DAB1: variants seen among roughly 807,000 people sequenced by gnomAD.
The protein encoded by DAB1 is disabled homolog 1.
In DAB1, 15 loss-of-function variants were observed where a neutral mutation model predicts 64.6. That is an observed-to-expected ratio of 0.23 (90% CI 0.16 to 0.36). The LOEUF (loss-of-function observed/expected upper bound fraction) is 0.36, where lower values mean the gene tolerates loss of function less well. DAB1 is among the 10% of genes least tolerant of loss of function. DAB1 has a pLI of 1.00. For synonymous variants in DAB1, 235 were observed against 251.9 expected (o/e 0.93, Z 0.64); for missense variants, 596 against 706.7 (o/e 0.84, Z 1.78).
intron 6 of DAB1, among the ~76,000 whole-genome samples, chr1:57,669,175 C>T (rs1256959931): frequency 6.6e-6 from 1 of 152,046 alleles, no homozygotes. Flanking sequence ...TTAGCCAATT[C>T]AATCTTGTCT....
At position 57,211,163 on chromosome 1, in the gene DAB1, A is replaced by G. The variant is rs72674806; in HGVS notation, c.68-65734T>C. On this transcript the variant is annotated intron_variant, in intron 2 of 14. Transcript: ENST00000371236. ...TGAAATTGACTGACAGCGAAGCAAA[A>G]TGATGCTTTTAACTTGAGTTGGAAG... 5.5e-3 allele frequency among the ~76,000 whole-genome samples: 841 copies of G among 152,340 alleles called. 6 individuals carry two copies. The highest frequency in any genetic ancestry group is 8.8e-3 in the Non-Finnish European group (597 of 68,028).
chr1:58,391,578 A>G (rs1264775843), intron 3 of DAB1, among the ~76,000 whole-genome samples: 1 of 152,104 alleles, frequency 6.6e-6, no homozygotes, highest in Non-Finnish European at 1.5e-5. Flanking sequence ...TCAACAGAGG[A>G]TACTCTCAAC....
chr1:57,889,071 T>C (rs1644268688), upstream of DAB1, among the ~76,000 whole-genome samples: 1 of 152,210 alleles, frequency 6.6e-6, no homozygotes, highest in Non-Finnish European at 1.5e-5. Context: ...TTTTACTGTA[T>C]TATCCTGGGT....
intron 5 of DAB1, among the ~76,000 whole-genome samples, chr1:57,901,732 T>C (rs913586927): frequency 2.6e-5 from 4 of 152,106 alleles, no homozygotes; most frequent in African/African-American, 9.7e-5. Context: ...CATGGCTTGT[T>C]AGTTCAGGCA....
intron 2 of DAB1, among the ~76,000 whole-genome samples, chr1:57,273,761 C>T (rs1313667179): frequency 6.6e-6 from 1 of 151,862 alleles, no homozygotes; most frequent in Non-Finnish European, 1.5e-5. Flanking sequence ...CCTCCCCTGT[C>T]CTCACCTCCT....
At chr1:57,389,834 C>T (rs752513848) in intron 1 of DAB1, among the ~76,000 whole-genome samples, 26 of 152,272 alleles carry the variant, frequency 1.7e-4, no homozygotes, top group Non-Finnish European at 2.8e-4. Context: ...CCCATAGAAA[C>T]AAGCTTGATA....
At chr1:58,314,791 A>G (rs982981231) in intron 4 of DAB1, among the ~76,000 whole-genome samples, 1 of 152,166 alleles carries the variant, frequency 6.6e-6, no homozygotes, top group Non-Finnish European at 1.5e-5. Flanking sequence ...CATTTTCTCC[A>G]ATGTTTAAGA....
At chr1:57,625,163 C>T (rs1366403384) in intron 7 of DAB1, among the ~76,000 whole-genome samples, 1 of 152,112 alleles carries the variant, frequency 6.6e-6, no homozygotes, top group Admixed American at 6.5e-5. Flanking sequence ...TACTTCCCTC[C>T]TTTGCTCTTT....
At chr1:57,676,618 G>A (rs1373152584) in intron 6 of DAB1, among the ~76,000 whole-genome samples, 1 of 152,042 alleles carries the variant, frequency 6.6e-6, no homozygotes, top group African/African-American at 2.4e-5. Context: ...TTGGCCCAAG[G>A]GAAAAATCTC....
chr1:57,781,118 CTCTCTCTCTATATATATATATATA>C (rs1425256757), intron 6 of DAB1, among the ~76,000 whole-genome samples: 50 of 54,552 alleles, frequency 9.2e-4, no homozygotes, highest in African/African-American at 2.4e-3. Flanking sequence ...CTCTCTCTCT[CTCTCTCTCTATATATATATATATA>C]TATATATATA....
rs1382512821 is a variant in DAB1, at chr1:58,469,556, G to A, written n.257+36504C>T. The stretch of plus-strand genomic sequence containing the variant: ...ACTCCAGCTATCTATAGCAATCAGG[G>A]TGAATCAGAATGATCTCCACTGAAC... On this transcript the variant is annotated intron_variant and non_coding_transcript_variant, in intron 3 of 20. Coordinates refer to the DAB1 transcript ENST00000485760. Among the ~76,000 whole-genome samples the A allele has an allele frequency of 3.9e-5, 6 of 152,144 alleles. 1 individual carries two copies. The South Asian group carries it at 6.2e-4, about 16-fold the overall frequency.
At chr1:57,204,892 A>G (rs963069928) in intron 2 of DAB1, among the ~76,000 whole-genome samples, 2 of 152,154 alleles carry the variant, frequency 1.3e-5, no homozygotes, top group South Asian at 2.1e-4. Flanking sequence ...TTCTTCTTCA[A>G]CCTCCACCTC....
rs916978731 is a variant in DAB1 at position 58,186,280 on chromosome 1, T to G, written n.310-35692A>C. ...ATGGGGCAACAGAATGAATGGAAGC[T>G]TTTCCTGCCCATAGTGTTGTTAATG... is the stretch of plus-strand genomic sequence containing the variant. On this transcript the variant is annotated intron_variant and non_coding_transcript_variant, in intron 4 of 20. Transcript: ENST00000485760. Among the ~76,000 whole-genome samples the G allele has an allele frequency of 3.9e-5, 6 of 152,148 alleles. 1 individual carries two copies. The highest frequency in any genetic ancestry group is 1.4e-4 in the African/African-American group (6 of 41,436).
intron 1 of DAB1, among the ~76,000 whole-genome samples, chr1:57,412,138 T>C (rs990060124): frequency 2.6e-5 from 4 of 152,234 alleles, no homozygotes; most frequent in Non-Finnish European, 5.9e-5. Context: ...CTATGAGCCA[T>C]GCCCACATAA....
intron 5 of DAB1, among the ~76,000 whole-genome samples, chr1:58,005,056 G>A (rs1359203086): frequency 6.9e-6 from 1 of 145,228 alleles, no homozygotes; most frequent in Non-Finnish European, 1.5e-5. Flanking sequence ...AAACTAGAGT[G>A]AGCTTGGGTG....
chr1:58,006,514 G>A (rs180866127), intron 5 of DAB1, among the ~76,000 whole-genome samples: 1 of 152,290 alleles, frequency 6.6e-6, no homozygotes. Context: ...TAGGTCCAGA[G>A]ATAAGAAAGT....
intron 6 of DAB1, among the ~76,000 whole-genome samples, chr1:57,701,643 T>G (rs1028383687): frequency 6.6e-6 from 1 of 151,680 alleles, no homozygotes; most frequent in African/African-American, 2.4e-5. Flanking sequence ...TGTATACATA[T>G]GTAACAAACC....
At chr1:57,845,424 C>T (rs1569835512) in intron 1 of DAB1, among the ~76,000 whole-genome samples, 2 of 152,120 alleles carry the variant, frequency 1.3e-5, no homozygotes, top group Non-Finnish European at 2.9e-5. Flanking sequence ...GGTAGTCTTG[C>T]AGATATGATC....
intron 4 of DAB1, among the ~76,000 whole-genome samples, chr1:58,180,281 C>CTTTTTTTTTTTTTTTTTTTTTTTTTTTT (rs869204611): frequency 9.8e-5 from 6 of 61,034 alleles, no homozygotes; most frequent in East Asian, 5.3e-4. Context: ...TTTTTCTTTT[C>CTTTTTTTTTTTTTTTTTTTTTTTTTTTT]TTTTTTTTTT....
Sources: gnomAD v4.1 joint callset for allele counts (sites outside exome capture counted in the v4.1 genomes callset) on GRCh38, gnomAD v4.1.1 for gene constraint, MANE v1.5 for transcripts, NCBI Gene and HGNC (gene_info 2026-07-23, HGNC 2026-07-21) for gene names.